Variants in ABTB3 observed in about 807,000 individuals in gnomAD.
The protein encoded by ABTB3 is ankyrin repeat- and BTB/POZ domain-containing protein 3.
the ABTB3 span, among the ~76,000 whole-genome samples, chr12:107,636,183 G>A: frequency 2.6e-5 from 4 of 152,172 alleles, no homozygotes; most frequent in African/African-American, 7.2e-5. Flanking sequence ...CCCAGCTTCT[G>A]AGATTTTTCA....
chr12:107,354,173 C>A, the ABTB3 span, among the ~76,000 whole-genome samples: 1 of 152,180 alleles, frequency 6.6e-6, no homozygotes, highest in African/African-American at 2.4e-5. Context: ...AACCCTCTTA[C>A]ATTCTTTCTC....
chr12:107,549,952 C>G, the ABTB3 span, among the ~76,000 whole-genome samples: 7 of 152,296 alleles, frequency 4.6e-5, no homozygotes, highest in African/African-American at 9.6e-5. Flanking sequence ...CACAATCACC[C>G]ATGTAGATCT....
the ABTB3 span, among the ~76,000 whole-genome samples, chr12:107,371,288 C>A: frequency 2.6e-5 from 4 of 152,178 alleles, no homozygotes; most frequent in African/African-American, 4.8e-5. Context: ...TTTAGGAAAT[C>A]TGCCCCAAAC....
chr12:107,578,383 C>CTTTTTTTTTTTTTTTTTTTTTTTTTTTT, the ABTB3 span, among the ~76,000 whole-genome samples: 4 of 57,196 alleles, frequency 7.0e-5, no homozygotes, highest in Non-Finnish European at 9.1e-5. Context: ...CTTTCTTCTT[C>CTTTTTTTTTTTTTTTTTTTTTTTTTTTT]TTTTTTTTTT....
the ABTB3 span, among the ~76,000 whole-genome samples, chr12:107,540,567 C>T: frequency 2.0e-5 from 3 of 152,324 alleles, no homozygotes; most frequent in East Asian, 5.8e-4. Flanking sequence ...CTGCACAAGG[C>T]CCTGATCTGT....
chr12:107,454,875 T>C, the ABTB3 span, among the ~76,000 whole-genome samples: 68,193 of 152,070 alleles, frequency 0.45, 17,434 homozygotes, highest in East Asian at 0.78. Flanking sequence ...AATTACTCAG[T>C]CTTTGGTATG....
At chr12:107,520,587 CA>C in the ABTB3 span, 1 of 1,614,224 alleles carries the variant, frequency 6.2e-7, no homozygotes, top group Non-Finnish European at 8.5e-7. Flanking sequence ...AGCTGAGGAC[CA>C]TCGAGCAGTC....
At chr12:107,381,508 A>G in the ABTB3 span, among the ~76,000 whole-genome samples, 2 of 152,296 alleles carry the variant, frequency 1.3e-5, no homozygotes, top group South Asian at 4.1e-4. Context: ...GAAAGAGGAG[A>G]GCTCCGGGTA....
At chr12:107,399,314 G>A in the ABTB3 span, among the ~76,000 whole-genome samples, 10 of 152,282 alleles carry the variant, frequency 6.6e-5, no homozygotes, top group African/African-American at 2.2e-4. Flanking sequence ...TGCTAGGATC[G>A]TGAACAAAGG....
chr12:107,369,392 G>GTTTTTTTTTTTTTTTTTTT, the ABTB3 span, among the ~76,000 whole-genome samples: 6 of 134,906 alleles, frequency 4.4e-5, no homozygotes, highest in Non-Finnish European at 4.7e-5. Flanking sequence ...TCAAACAAGG[G>GTTTTTTTTTTTTTTTTTTT]TTTTTTTTTT....
chr12:107,464,976 ACC>A, the ABTB3 span, among the ~76,000 whole-genome samples: 1 of 142,264 alleles, frequency 7.0e-6, no homozygotes, highest in Non-Finnish European at 1.5e-5. Flanking sequence ...ACACACACAC[ACC>A]CCAGAGAATT....
chr12:107,592,809 G>T, the ABTB3 span, among the ~76,000 whole-genome samples: 38 of 152,192 alleles, frequency 2.5e-4, no homozygotes, highest in Non-Finnish European at 4.7e-4. Context: ...CATGAAGTGG[G>T]GTGCAGGGGC....
At chr12:107,330,727 T>C in the ABTB3 span, among the ~76,000 whole-genome samples, 1 of 152,180 alleles carries the variant, frequency 6.6e-6, no homozygotes, top group Non-Finnish European at 1.5e-5. Flanking sequence ...GGAAGCATAG[T>C]GGGATGAAAG....
the ABTB3 span, among the ~76,000 whole-genome samples, chr12:107,449,425 TCTC>T: frequency 1.7e-3 from 252 of 152,252 alleles, no homozygotes; most frequent in African/African-American, 5.8e-3. Context: ...AGCTCTTGCT[TCTC>T]CTTTCACTGC....
At chr12:107,359,287 G>A in the ABTB3 span, among the ~76,000 whole-genome samples, 31 of 152,206 alleles carry the variant, frequency 2.0e-4, no homozygotes, top group Non-Finnish European at 1.6e-4. Flanking sequence ...TGGTCCAGGC[G>A]TCTTATTTCA....
the ABTB3 span, chr12:107,658,222 TAA>T: frequency 6.6e-6 from 1 of 152,628 alleles, no homozygotes; most frequent in African/African-American, 2.4e-5. Context: ...AATGTTCATT[TAA>T]AAAAAAACAA....
At chr12:107,634,442 G>C in the ABTB3 span, among the ~76,000 whole-genome samples, 2 of 152,082 alleles carry the variant, frequency 1.3e-5, no homozygotes, top group African/African-American at 4.8e-5. Context: ...TTGCCAAAAA[G>C]ACATGGTACA....
At chr12:107,330,705 A>G in the ABTB3 span, among the ~76,000 whole-genome samples, 1 of 152,224 alleles carries the variant, frequency 6.6e-6, no homozygotes, top group East Asian at 1.9e-4. Flanking sequence ...CCTCTAAACC[A>G]GATCACTCGT....
chr12:107,363,880 C>T, the ABTB3 span, among the ~76,000 whole-genome samples: 1 of 152,160 alleles, frequency 6.6e-6, no homozygotes, highest in Non-Finnish European at 1.5e-5. Flanking sequence ...ATTCTGGAGT[C>T]CTAACTCTTG....
Sources: gnomAD v4.1 joint callset for allele counts (sites outside exome capture counted in the v4.1 genomes callset) on GRCh38, gnomAD v4.1.1 for gene constraint, MANE v1.5 for transcripts, NCBI Gene and HGNC (gene_info 2026-07-23, HGNC 2026-07-21) for gene names.